Variants in TAF1 observed in about 807,000 individuals in gnomAD.
TAF1 encodes the protein TATA-box binding protein associated factor 1.
In TAF1, 2 loss-of-function variants were observed where a neutral mutation model predicts 138.5. That is an observed-to-expected ratio of 0.01 (90% CI 0.01 to 0.05). TAF1 has a LOEUF of 0.05. Ranked by LOEUF, TAF1 falls within the 10% of genes least tolerant of loss-of-function variation. The probability of loss-of-function intolerance (pLI) is 1.00; values close to 1 mark genes in which losing one functional copy is unlikely to be tolerated. For missense variants in TAF1, 709 were observed against 1,478.0 expected, an observed-to-expected ratio of 0.48 and a Z score of 8.53; for synonymous variants, 437 against 503.2, an observed-to-expected ratio of 0.87 and a Z score of 1.76.
chrX:71,451,415 T>C (rs942933406), intron 32 of TAF1, among the ~76,000 whole-genome samples: 1 of 112,124 alleles, frequency 8.9e-6, no homozygotes, highest in Non-Finnish European at 1.9e-5. Flanking sequence ...TATTTGATAA[T>C]ATTAAATAAT....
chrX:71,457,089 G>GA (rs1452821954), intron 34 of TAF1, among the ~76,000 whole-genome samples: 1 of 112,128 alleles, frequency 8.9e-6, no homozygotes, highest in Non-Finnish European at 1.9e-5. Context: ...GGGTTTTGCA[G>GA]AAATTTCATC....
At chrX:71,462,998 G>A (rs2038615664) in intron 37 of TAF1, among the ~76,000 whole-genome samples, 1 of 111,695 alleles carries the variant, frequency 9.0e-6, no homozygotes, top group Non-Finnish European at 1.9e-5. Context: ...GCCATGTGTG[G>A]AATACCATGT....
At position 71,375,242 on chromosome X, in the gene TAF1, C is replaced by T. The variant is rs767354861; in HGVS notation, c.428C>T (p.Pro143Leu). 1.4e-5 allele frequency: 17 copies of T among 1,208,554 alleles called. No homozygotes were observed. The highest frequency in any genetic ancestry group is 4.4e-5 in the Admixed American group (2 of 45,467). Residue 143 changes from proline to leucine, a missense_variant, in exon 4 of 38, where the codon CCG becomes CTG. Physicochemically the swap from Pro to Leu is moderately conservative, Grantham distance 98. This residue lies in a region of TAF1 where 123 missense variants were observed against 161.6 expected (regional missense o/e 0.76). Transcript: ENST00000423759. The part of the protein sequence containing the change: ...CKLMPPPPPP[P>L]GPMKKDKDQD... Reference sequence around the variant, plus strand: ...TTGATGCCTCCTCCACCTCCACCCCCGGGACCAATGAAGAAGGATAAGGAC... The same window carrying T: ...TTGATGCCTCCTCCACCTCCACCCCTGGGACCAATGAAGAAGGATAAGGAC...
In TAF1 at chrX:71,465,522, G is replaced by A. The variant is rs757816917; in HGVS notation, c.*1476G>A. 3.6e-5 allele frequency: 4 copies of A among 111,898 alleles called. No homozygotes were observed. The South Asian group carries it at 1.5e-3, about 42-fold the overall frequency. The allele number at this position is 111,898 out of a possible 1,213,427, so 9.2% of individuals were successfully genotyped here. On this transcript the variant is annotated 3_prime_UTR_variant, in exon 38 of 38. Transcript: ENST00000423759. ...TTTGTTTGTACCTGCCTTGTTCCAG[G>A]AAGGATTTAATGTGGTTTATATTCC... is the stretch of plus-strand genomic sequence containing the variant.
chrX:71,407,543 G>A (rs371070310), intron 26 of TAF1, 31 bp from the exon 27 acceptor site: 7 of 1,180,256 alleles, frequency 5.9e-6, no homozygotes, highest in South Asian at 1.8e-5. Context: ...TTTGGTCTGA[G>A]GAAGCATTCT....
chrX:71,367,710 TC>T, intron 2 of TAF1, 97 bp downstream of exon 2: 1 of 1,012,125 alleles, frequency 9.9e-7, no homozygotes, highest in Non-Finnish European at 1.3e-6. Context: ...TCGCTCTGTC[TC>T]CGAGGTTGGA....
chrX:71,369,943 C>T (rs915573858), intron 3 of TAF1, among the ~76,000 whole-genome samples: 11 of 108,944 alleles, frequency 1.0e-4, no homozygotes, highest in African/African-American at 2.3e-4. Context: ...TAATGAAGTC[C>T]GCTGGGTGTG....
intron 25 of TAF1, among the ~76,000 whole-genome samples, chrX:71,402,728 C>T (rs1313202096): frequency 8.9e-6 from 1 of 111,981 alleles, no homozygotes; most frequent in Non-Finnish European, 1.9e-5. Context: ...ATATATAATT[C>T]CTCTAAATTC....
Position 71,397,543 on chromosome X carries a change from C to T in TAF1, c.3620+77C>T, listed in dbSNP as rs1301023953. The stretch of plus-strand genomic sequence containing the variant: ...CTGCGGCCCAGGTGGAGTGCAGCGG[C>T]GTGATCTTGGCTCATTGCAACCTCC... On this transcript the variant is annotated intron_variant, in intron 23 of 37. Coordinates refer to ENST00000423759, the MANE Select transcript of TAF1 (RefSeq NM_004606.5). 9.8e-6 allele frequency: 11 copies of T among 1,116,851 alleles called. No homozygotes were observed. In the South Asian group the frequency reaches 1.6e-4, roughly 16 times the overall value. 92.0% of individuals were successfully genotyped at this position (1,116,851 alleles called of 1,213,427 possible). A position where few individuals can be genotyped will look rare whatever the true frequency, so the allele number is the denominator to read the frequency against.
In TAF1 at chrX:71,418,943, T is replaced by C. The variant is rs189465730; in HGVS notation, c.4385-2366T>C. 7.6e-4 allele frequency among the ~76,000 whole-genome samples: 84 copies of C among 110,673 alleles called. No homozygotes were observed. The East Asian group carries it at 0.023, about 31-fold the overall frequency. On this transcript the variant is annotated intron_variant, in intron 28 of 37. Transcript: ENST00000423759. ...CCACCATACCCAGCTAATTTTGTAT[T>C]TTTAGTAGAGACGGGGTTTCTCCAT... is the stretch of plus-strand genomic sequence containing the variant.
intron 32 of TAF1, among the ~76,000 whole-genome samples, chrX:71,438,861 C>A (rs2037275874): frequency 8.9e-6 from 1 of 111,794 alleles, no homozygotes; most frequent in Non-Finnish European, 1.9e-5. Context: ...ACTCAGCGTT[C>A]TTGGGAGGCT....
intron 22 of TAF1, among the ~76,000 whole-genome samples, chrX:71,394,976 C>T (rs981809551): frequency 8.9e-6 from 1 of 112,437 alleles, no homozygotes; most frequent in Admixed American, 9.5e-5. Flanking sequence ...GCATTACAGG[C>T]GTGAGCCACT....
At chrX:71,508,082 C>CTATA (rs1418464171) in intron 13 of TAF1, among the ~76,000 whole-genome samples, 5 of 95,799 alleles carry the variant, frequency 5.2e-5, no homozygotes, top group South Asian at 4.8e-4. Context: ...CTCTCTCTCT[C>CTATA]TCTCTATATA....
chrX:71,511,990 G>A lies in TAF1; in HGVS notation c.1367-16552G>A, dbSNP rs1455375098. Reference sequence around the variant, plus strand: ...GAGATGTGCCACCACACTCCATCCTGGGTGACAGAATGAGACCTTGTCTCA... The same window carrying A: ...GAGATGTGCCACCACACTCCATCCTAGGTGACAGAATGAGACCTTGTCTCA... On this transcript the variant is annotated intron_variant and NMD_transcript_variant, in intron 13 of 14. Transcript: ENST00000373775. 3.8e-5 allele frequency among the ~76,000 whole-genome samples: 4 copies of A among 104,992 alleles called. No homozygotes were observed. The East Asian group carries it at 1.2e-3, about 32-fold the overall frequency. The allele number at this position is 104,992 out of a possible 115,157, so 91.2% of individuals were successfully genotyped here. A position where few individuals can be genotyped will look rare whatever the true frequency, so the allele number is the denominator to read the frequency against.
chrX:71,383,848 G>A (rs2034045611), intron 12 of TAF1, 114 bp from the exon 13 acceptor site: 4 of 920,123 alleles, frequency 4.3e-6, no homozygotes, highest in African/African-American at 2.0e-5. Context: ...TTTTGATTAT[G>A]AAATTGGAAA....
chrX:71,367,196 T>A (rs1380007500), intron 1 of TAF1, among the ~76,000 whole-genome samples: 1 of 112,567 alleles, frequency 8.9e-6, no homozygotes, highest in East Asian at 2.8e-4. Context: ...GCCTCGGCCC[T>A]CGTTCCGAGA....
At chrX:71,526,475 C>G (rs1352815093) in intron 13 of TAF1, among the ~76,000 whole-genome samples, 1 of 111,825 alleles carries the variant, frequency 8.9e-6, no homozygotes, top group East Asian at 2.8e-4. Context: ...TGCAAGGCCA[C>G]TTAAAAAGAG....
intron 28 of TAF1, 60 bp from the exon 29 acceptor site, chrX:71,421,249 A>G: frequency 9.8e-7 from 1 of 1,025,385 alleles, no homozygotes; most frequent in South Asian, 1.9e-5. Flanking sequence ...AGGATAAAGA[A>G]GTGTTGGCAG....
At chrX:71,382,020 A>G (rs1415594205) in intron 9 of TAF1, 101 bp downstream of exon 9, 5 of 957,231 alleles carry the variant, frequency 5.2e-6, no homozygotes, top group Non-Finnish European at 6.8e-6. Flanking sequence ...GATTAGGACT[A>G]GAAACCTGTA....
Sources: allele counts gnomAD v4.1 joint callset (sites outside exome capture counted in the v4.1 genomes callset), GRCh38; gene constraint gnomAD v4.1.1; regional missense constraint gnomAD v4.1.1; transcripts MANE v1.5; gene names NCBI Gene and HGNC (gene_info 2026-07-23, HGNC 2026-07-21).